EXOC6: variants seen among roughly 807,000 people sequenced by gnomAD.
EXOC6 encodes the protein exocyst complex component 6.
A neutral mutation model predicts 112.5 loss-of-function variants in EXOC6; 60 were observed. The observed-to-expected ratio is 0.53, with a 90% CI of 0.43 to 0.66. The LOEUF is 0.66. Among genes scored for constraint, EXOC6 ranks in the 30% least tolerant of loss-of-function variants. The pLI is 0.00. For synonymous variants in EXOC6, 295 were observed against 308.0 expected, an observed-to-expected ratio of 0.96 and a Z score of 0.44; for missense variants, 855 against 957.1, an observed-to-expected ratio of 0.89 and a Z score of 1.41.
At chr10:92,941,076 A>G (rs576126640) in intron 13 of EXOC6, among the ~76,000 whole-genome samples, 4 of 152,178 alleles carry the variant, frequency 2.6e-5, no homozygotes, top group Admixed American at 2.6e-4. Context: ...ACTTAACAAT[A>G]ACTCTCCATT....
chr10:92,892,423 T>C (rs1252195235), intron 1 of EXOC6, among the ~76,000 whole-genome samples: 1 of 152,164 alleles, frequency 6.6e-6, no homozygotes, highest in Non-Finnish European at 1.5e-5. Context: ...AGCTTTGATA[T>C]CCAGGAATTT....
At chr10:93,055,945 C>T (rs548649655) in intron 20 of EXOC6, among the ~76,000 whole-genome samples, 9 of 152,228 alleles carry the variant, frequency 5.9e-5, no homozygotes, top group Admixed American at 4.6e-4. Flanking sequence ...AGTCAGTGGT[C>T]GGCTCTTGTA....
At chr10:93,026,623 A>C (rs562456028) in intron 20 of EXOC6, among the ~76,000 whole-genome samples, 4 of 152,206 alleles carry the variant, frequency 2.6e-5, no homozygotes, top group Admixed American at 6.5e-5. Context: ...CACATTTTGT[A>C]ATTCTCACAG....
chr10:92,873,348 C>T lies in EXOC6; in HGVS notation c.102-20001C>T, dbSNP rs1245194123. 2.0e-5 allele frequency among the ~76,000 whole-genome samples: 3 copies of T among 152,164 alleles called. No individual in the cohort carries two copies. In the South Asian group the frequency reaches 6.3e-4, roughly 32 times the overall value. ...ATGTCAGTAATACAGAATGTCAACA[C>T]TAGTTATAGGAGGCAATGTTAACTA... is the stretch of plus-strand genomic sequence containing the variant. On this transcript the variant is annotated intron_variant, in intron 1 of 21. Transcript: ENST00000260762.
intron 1 of EXOC6, among the ~76,000 whole-genome samples, chr10:92,837,737 G>T (rs1335795317): frequency 6.6e-6 from 1 of 152,162 alleles, no homozygotes; most frequent in Non-Finnish European, 1.5e-5. Context: ...AAGGAGTTTG[G>T]CTGGAGGCAG....
chr10:92,848,449 G>GCC, upstream of EXOC6: 1 of 331,584 alleles, frequency 3.0e-6, no homozygotes, highest in Non-Finnish European at 4.5e-6. Context: ...CCCCCGCCCC[G>GCC]CCCCTTCGCG....
At chr10:92,848,710 C>A in intron 1 of EXOC6, 76 bp downstream of exon 1, 1 of 1,129,898 alleles carries the variant, frequency 8.9e-7, no homozygotes, top group East Asian at 5.6e-5. Context: ...GCGGGGCGTC[C>A]GCCGCCGGCC....
At chr10:93,028,920 A>G (rs951211890) in intron 20 of EXOC6, among the ~76,000 whole-genome samples, 2 of 152,154 alleles carry the variant, frequency 1.3e-5, no homozygotes, top group Non-Finnish European at 2.9e-5. Flanking sequence ...ATTGACTCCA[A>G]TTTTGAAAGA....
chr10:93,041,665 C>T (rs555092163), intron 20 of EXOC6, among the ~76,000 whole-genome samples: 9 of 152,202 alleles, frequency 5.9e-5, no homozygotes, highest in South Asian at 2.1e-4. Context: ...CTGCCTGCCT[C>T]GGCCTCCCAA....
intron 18 of EXOC6, among the ~76,000 whole-genome samples, chr10:92,975,095 G>T (rs1302657245): frequency 6.6e-6 from 1 of 151,040 alleles, no homozygotes; most frequent in Non-Finnish European, 1.5e-5. Context: ...GTCTCTGCCC[G>T]GCCACCATCC....
At chr10:92,918,639 G>A (rs1314481332) in intron 7 of EXOC6, among the ~76,000 whole-genome samples, 1 of 152,020 alleles carries the variant, frequency 6.6e-6, no homozygotes, top group Non-Finnish European at 1.5e-5. Flanking sequence ...GTCCAGGCTG[G>A]TCTTGAACTC....
upstream of EXOC6, among the ~76,000 whole-genome samples, chr10:92,830,216 C>G (rs754208773): frequency 6.6e-6 from 1 of 152,130 alleles, no homozygotes; most frequent in Non-Finnish European, 1.5e-5. Flanking sequence ...ACCCCTTTCT[C>G]GTAACAAACA....
intron 20 of EXOC6, among the ~76,000 whole-genome samples, chr10:93,036,249 C>T (rs1162238269): frequency 6.6e-6 from 1 of 151,772 alleles, no homozygotes; most frequent in Non-Finnish European, 1.5e-5. Context: ...AGAGAAAGCT[C>T]TTATTTTCCC....
intron 19 of EXOC6, among the ~76,000 whole-genome samples, chr10:93,010,563 G>T (rs1359583579): frequency 6.6e-6 from 1 of 151,996 alleles, no homozygotes; most frequent in African/African-American, 2.4e-5. Flanking sequence ...GCCGGGCATG[G>T]TGGCATACGT....
Position 92,997,579 on chromosome 10 carries a change from G to A in EXOC6, c.2059G>A (p.Val687Ile), listed in dbSNP as rs1843552064. 2 of 1,612,782 alleles carry A rather than the reference G, an allele frequency of 1.2e-6. No homozygotes were observed. Among genetic ancestry groups the A allele is most frequent in the African/African-American group, 1.3e-5 (1 of 75,016 alleles). ...GTTAAAACAAATAAGCATGGGAGCT[G>A]TTCAGCAGTTTAACTTAGATGTCAT... ...SELKQISMGA[V>I]QQFNLDVIQC... The change falls in exon 19 of 22, where the codon GTT becomes ATT. Residue 687 changes from valine (V) to isoleucine (I), a missense_variant. Transcript: ENST00000260762.
At chr10:92,934,608 A>G (rs1165719101) in intron 11 of EXOC6, among the ~76,000 whole-genome samples, 178 bp downstream of exon 11, 1 of 152,142 alleles carries the variant, frequency 6.6e-6, no homozygotes, top group Non-Finnish European at 1.5e-5. Flanking sequence ...TGATTTTGCA[A>G]CTGACTGGGG....
Position 92,893,373 on chromosome 10 carries a change from T to C in EXOC6, c.126T>C (p.Asn42=), listed in dbSNP as rs1390289262. 2 of 1,611,472 alleles carry C rather than the reference T, an allele frequency of 1.2e-6. No individual in the cohort carries two copies. Among genetic ancestry groups the C allele is most frequent in the East Asian group, 2.2e-5 (1 of 44,774 alleles). Reference sequence around the variant, plus strand: ...GGTCTGTGTATGATGACCAACCAAATGCGCACAAGAAGTTTATGGAAAAGT... The same window carrying C: ...GGTCTGTGTATGATGACCAACCAAACGCGCACAAGAAGTTTATGGAAAAGT... ...TLRSVYDDQP[N]AHKKFMEKLD... is the part of the protein sequence containing the mutation. The change falls in exon 2 of 22, where the codon AAT becomes AAC. Residue 42 remains asparagine, a synonymous_variant. Coordinates refer to ENST00000260762, the MANE Select transcript of EXOC6 (RefSeq NM_019053.6).
At chr10:93,002,682 A>G (rs960968056) in intron 19 of EXOC6, among the ~76,000 whole-genome samples, 24 of 152,190 alleles carry the variant, frequency 1.6e-4, no homozygotes, top group Admixed American at 6.5e-5. Context: ...CTCTGATTGA[A>G]TCTAACTCAC....
intron 19 of EXOC6, 110 bp from the exon 20 acceptor site, chr10:93,014,084 A>T: frequency 1.3e-6 from 1 of 759,814 alleles, no homozygotes; most frequent in Middle Eastern, 2.7e-4. Flanking sequence ...TGAAATGATT[A>T]TGTGTAAATA....
Sources: gnomAD v4.1 joint callset for allele counts (sites outside exome capture counted in the v4.1 genomes callset) on GRCh38, gnomAD v4.1.1 for gene constraint, MANE v1.5 for transcripts, NCBI Gene and HGNC (gene_info 2026-07-23, HGNC 2026-07-21) for gene names.